SLC22A14: variants seen among roughly 807,000 people sequenced by gnomAD.
SLC22A14 encodes organic cation transporter-like 4.
In SLC22A14, 50 loss-of-function variants were observed where a neutral mutation model predicts 53.9. That is an observed-to-expected ratio of 0.93 (90% CI 0.74 to 1.17). The LOEUF (loss-of-function observed/expected upper bound fraction) is 1.17. SLC22A14 is among the 50% of genes most tolerant of loss of function. SLC22A14 has a pLI of 0.00. For missense variants in SLC22A14, 671 were observed against 734.7 expected (o/e 0.91, Z 1.00); for synonymous variants, 312 against 303.0 (o/e 1.03, Z -0.31).
upstream of SLC22A14, among the ~76,000 whole-genome samples, chr3:38,281,365 T>A (rs1428979399): frequency 1.3e-5 from 2 of 152,210 alleles, no homozygotes; most frequent in Non-Finnish European, 2.9e-5. Context: ...TATAACAGAC[T>A]GCTTGAAACT....
intron 10 of SLC22A14, among the ~76,000 whole-genome samples, chr3:38,317,683 TGAGAACAGA>T (rs1238738472): frequency 1.3e-5 from 2 of 152,222 alleles, no homozygotes; most frequent in African/African-American, 4.8e-5. Flanking sequence ...CAAAGTGGAA[TGAGAACAGA>T]GTAATAACAA....
intron 1 of SLC22A14, among the ~76,000 whole-genome samples, chr3:38,285,986 A>G (rs1177627656): frequency 6.6e-6 from 1 of 152,222 alleles, no homozygotes; most frequent in East Asian, 1.9e-4. Context: ...TAATCCCAGC[A>G]CTGTGGGAGG....
rs148346462 is a variant in SLC22A14, at chr3:38,316,582, C to T, written c.1733+58C>T. On this transcript the variant is annotated intron_variant, in intron 10 of 10. Transcript: ENST00000448498. ...ACGGGGCCTGGCTCTGAAGCCTTGG[C>T]ACAGAGAGCGTGCGGGACATTGTCC... The T allele has an allele frequency of 1.5e-4, 217 of 1,492,892 alleles. 1 individual carries two copies. In the Middle Eastern group the frequency reaches 2.4e-3, roughly 17 times the overall value. The allele number at this position is 1,492,892 out of a possible 1,614,324, so 92.5% of individuals were successfully genotyped here. A position where few individuals can be genotyped will look rare whatever the true frequency, so the allele number is the denominator to read the frequency against.
chr3:38,313,934 C>T lies in SLC22A14; in HGVS notation c.1371C>T (p.Leu457=), dbSNP rs1301406824. 6.2e-7 allele frequency: 1 copy of T among 1,613,372 alleles called. No individual in the cohort carries two copies. The highest frequency in any genetic ancestry group is 1.1e-5 in the South Asian group (1 of 91,052). Residue 457 remains leucine (L), a synonymous_variant, in exon 8 of 11, where the codon CTC becomes CTT. Transcript: ENST00000448498. ...TCTGGTGCTTGCTTCTCCTTTTCCT[C>T]CCTGAAGGTACAGCTCATCCTTCCC... ...AIIWCLLLLF[L]PEGEDGLRLK...
intron 1 of SLC22A14, among the ~76,000 whole-genome samples, chr3:38,299,728 A>G (rs1320351470): frequency 6.6e-6 from 1 of 152,042 alleles, no homozygotes; most frequent in Non-Finnish European, 1.5e-5. Context: ...ACACCTGGTT[A>G]ATTATTTTAT....
rs116166372 is a variant in SLC22A14, at chr3:38,314,992, G to T, written c.1379-566G>T. ...CCTGCAGAGGCTGACAGGCAGGCAG[G>T]CAGGGGCTGAAGCCCCCAGCTTCAC... On this transcript the variant is annotated intron_variant, in intron 8 of 10. Transcript: ENST00000448498. Among the ~76,000 whole-genome samples the T allele has an allele frequency of 2.2e-3, 338 of 152,360 alleles. 2 individuals carry two copies. The highest frequency in any genetic ancestry group is 8.0e-3 in the African/African-American group (332 of 41,588).
chr3:38,308,570 A>G (rs550117066), intron 4 of SLC22A14, among the ~76,000 whole-genome samples: 3 of 152,352 alleles, frequency 2.0e-5, no homozygotes, highest in Non-Finnish European at 4.4e-5. Context: ...CCTTAGGCCT[A>G]GGTGGCCAAA....
Position 38,313,867 on chromosome 3 carries a change from G to A in SLC22A14, c.1304G>A (p.Gly435Glu), listed in dbSNP as rs545374229. The stretch of plus-strand genomic sequence containing the variant: ...TGCATCTTTCTCCTCCAGCAGATTG[G>A]GAGGAAGTGGAGCCTGGCTGTGACT... ...LCCIFLLQQIGRKWSLAVTLL... is the reference protein window; with the variant it reads ...LCCIFLLQQIERKWSLAVTLL... The change falls in exon 8 of 11, where the codon GGG becomes GAG. Residue 435 changes from glycine (G) to glutamate (E), a missense_variant. Physicochemically the swap from Gly to Glu is moderately conservative, Grantham distance 98. Coordinates refer to ENST00000448498, the MANE Select transcript of SLC22A14 (RefSeq NM_001320033.2). The A allele has an allele frequency of 5.0e-6, 8 of 1,613,972 alleles. No individual in the cohort carries two copies. In the South Asian group the frequency reaches 8.8e-5, roughly 18 times the overall value.
intron 1 of SLC22A14, among the ~76,000 whole-genome samples, chr3:38,297,214 C>T (rs1472454939): frequency 6.6e-6 from 1 of 152,150 alleles, no homozygotes; most frequent in African/African-American, 2.4e-5. Context: ...CCTGTTTGGT[C>T]AGGTATGAGC....
intron 1 of SLC22A14, among the ~76,000 whole-genome samples, chr3:38,295,525 C>T (rs1429902598): frequency 6.6e-6 from 1 of 152,054 alleles, no homozygotes; most frequent in East Asian, 1.9e-4. Flanking sequence ...TTTCAGGTTA[C>T]GTCCTTGTTT....
intron 8 of SLC22A14, 22 bp from the exon 9 acceptor site, chr3:38,315,536 G>T (rs764921057): frequency 6.2e-7 from 1 of 1,608,414 alleles, no homozygotes; most frequent in Admixed American, 1.7e-5. Context: ...GCTGATGAGT[G>T]GAACTCCTTC....
intron 2 of SLC22A14, among the ~76,000 whole-genome samples, chr3:38,306,805 T>A (rs1704318249): frequency 6.6e-6 from 1 of 152,250 alleles, no homozygotes; most frequent in South Asian, 2.1e-4. Context: ...CCTGTAGTTG[T>A]GGTTCTGACC....
intron 5 of SLC22A14, 137 bp downstream of exon 5, chr3:38,309,259 G>T: frequency 1.3e-6 from 1 of 753,884 alleles, no homozygotes; most frequent in Non-Finnish European, 2.2e-6. Context: ...GATGAGATAG[G>T]AAGGCACCAA....
At position 38,313,740 on chromosome 3, in the gene SLC22A14, T is replaced by TA. The variant is rs1473964342; in HGVS notation, c.1178dup (p.Tyr393Ter). The change falls in exon 8 of 11, where the codon TAC (tyrosine) becomes TAAC (stop). Residue 393 changes from tyrosine (Y) to a stop codon, truncating the protein, a stop_gained and frameshift_variant. Coordinates refer to ENST00000448498, the MANE Select transcript of SLC22A14 (RefSeq NM_001320033.2). LOFTEE classifies it high-confidence loss of function. Reference protein sequence around the residue: ...VMSCVWFTVSYTYFTLSLRMR... With the variant: ...VMSCVWFTVS ...GGCTTCATCCAGGTTTACCGTCAGTTACACCTATTTTACGTTGAGCCTGAG... is the reference window on the plus strand; with the variant it reads ...GGCTTCATCCAGGTTTACCGTCAGTTAACACCTATTTTACGTTGAGCCTGAG... 1.8e-5 allele frequency: 28 copies of TA among 1,565,684 alleles called. No homozygotes were observed. The highest frequency in any genetic ancestry group is 2.3e-5 in the Non-Finnish European group (27 of 1,153,210).
At chr3:38,286,793 C>T (rs867181973) in intron 1 of SLC22A14, among the ~76,000 whole-genome samples, 10 of 151,174 alleles carry the variant, frequency 6.6e-5, no homozygotes, top group Admixed American at 6.6e-4. Context: ...GTGCAGTGGC[C>T]AGATCTCAGC....
intron 1 of SLC22A14, among the ~76,000 whole-genome samples, chr3:38,300,724 G>C (rs887255717): frequency 3.3e-5 from 5 of 152,196 alleles, no homozygotes; most frequent in African/African-American, 1.2e-4. Context: ...TGATTTAACT[G>C]TAATTACTGA....
At position 38,306,256 on chromosome 3, in the gene SLC22A14, G is replaced by A; in HGVS notation, c.230G>A (p.Ser77Asn). ...CTAGTAGCCCTCACCTTTATCCCCA[G>A]CATCATGTCGGCCTTCTTCATGTTT... ...QRLVALTFIP[S>N]IMSAFFMFAD... Residue 77 changes from serine (S) to asparagine (N), a missense_variant, in exon 2 of 11, where the codon AGC (serine) becomes AAC (asparagine). Physicochemically the swap from Ser to Asn is conservative, Grantham distance 46 (BLOSUM62 1). Coordinates refer to ENST00000448498, the MANE Select transcript of SLC22A14 (RefSeq NM_001320033.2). 6.2e-7 allele frequency: 1 copy of A among 1,614,144 alleles called. No individual in the cohort carries two copies. The highest frequency in any genetic ancestry group is 8.5e-7 in the Non-Finnish European group (1 of 1,180,020).
In SLC22A14 at chr3:38,306,203, G is replaced by A. The variant is rs9847670; in HGVS notation, c.177G>A (p.Val59=). 6.2e-7 allele frequency: 1 copy of A among 1,614,136 alleles called. No homozygotes were observed. The highest frequency in any genetic ancestry group is 8.5e-7 in the Non-Finnish European group (1 of 1,180,014). Residue 59 remains valine, a synonymous_variant, in exon 2 of 11, where the codon GTG becomes GTA. Transcript: ENST00000448498. ...DDKFANLLDA[V]GEFGTFQQRL... ...AGTTTGCCAACCTCCTGGATGCGGT[G>A]GGGGAGTTTGGCACATTCCAGCAGA...
intron 9 of SLC22A14, 133 bp from the exon 10 acceptor site, chr3:38,316,191 G>A (rs1704612399): frequency 1.3e-6 from 1 of 760,276 alleles, no homozygotes; most frequent in Non-Finnish European, 2.2e-6. Context: ...AGAAATTATT[G>A]CCTACTTGGA....
Sources: gnomAD v4.1 joint callset for allele counts (sites outside exome capture counted in the v4.1 genomes callset) on GRCh38, gnomAD v4.1.1 for gene constraint, MANE v1.5 for transcripts, NCBI Gene and HGNC (gene_info 2026-07-23, HGNC 2026-07-21) for gene names.